The following PSMD5 variants were observed in gnomAD, a reference collection of about 807,000 sequenced individuals.
PSMD5 encodes proteasome 26S subunit, non-ATPase 5, also known as 26S proteasome non-ATPase regulatory subunit 5.
PSMD5 carries 40 observed loss-of-function variants against 52.1 expected under a neutral mutation model. The observed-to-expected ratio is 0.77, with a 90% CI of 0.60 to 1.00. PSMD5 has a LOEUF of 1.00. Among genes scored for constraint, PSMD5 ranks in the 50% least tolerant of loss-of-function variants. The pLI is 0.00. For synonymous variants in PSMD5, 211 were observed against 226.6 expected (o/e 0.93, Z 0.62); for missense variants, 575 against 605.2 (o/e 0.95, Z 0.52).
chr9:120,820,763 G>A lies in PSMD5; in HGVS notation c.1257+76C>T, dbSNP rs1352298890. On this transcript the variant is annotated intron_variant, in intron 9 of 9. Coordinates refer to ENST00000210313, the MANE Select transcript of PSMD5 (RefSeq NM_005047.4). ...CTTGTGCATCCCCAGAGATGGCACA[G>A]GCTCTGGCTCACTGTTAAGTACTCA... 1.1e-5 allele frequency: 15 copies of A among 1,406,690 alleles called. No individual in the cohort carries two copies. In the South Asian group the frequency reaches 2.5e-4, roughly 24 times the overall value. 87.1% of individuals were successfully genotyped at this position (1,406,690 alleles called of 1,614,324 possible). A position where few individuals can be genotyped will look rare whatever the true frequency, so the allele number is the denominator to read the frequency against.
In PSMD5 at chr9:120,820,986, G is replaced by T. The variant is rs1253046312; in HGVS notation, c.1117-7C>A. 1 of 1,570,748 alleles carries T rather than the reference G, an allele frequency of 6.4e-7. No individual in the cohort carries two copies. The highest frequency in any genetic ancestry group is 8.6e-7 in the Non-Finnish European group (1 of 1,167,462). On this transcript the variant is annotated splice_polypyrimidine_tract_variant and splice_region_variant and intron_variant, in intron 8 of 9. Coordinates refer to ENST00000210313, the MANE Select transcript of PSMD5 (RefSeq NM_005047.4). ...CATCAGTCTGCTGCTCAGGCTACAG[G>T]AAAGAAAAGGAAAATCTCATCAAAA...
At position 120,817,981 on chromosome 9, in the gene PSMD5, C is replaced by T; in HGVS notation, c.1440G>A (p.Arg480=). Residue 480 remains arginine, a synonymous_variant, in exon 10 of 10, where the codon AGG becomes AGA. Coordinates refer to ENST00000210313, the MANE Select transcript of PSMD5 (RefSeq NM_005047.4). ...AEIFGNPNYL[R]LRTYLSEGPY... ...GCCCTTCACTCAGGTAAGTTCTGAG[C>T]CTCAAATAATTTGGGTTCCCAAAGA... 6.2e-7 allele frequency: 1 copy of T among 1,614,164 alleles called. No homozygotes were observed.
Position 120,842,851 on chromosome 9 carries a change from T to A in PSMD5, c.59A>T (p.Glu20Val). Reference sequence around the variant, plus strand: ...CACGGAGTGAAGCGCGCGTAGCTCCTCCAGCGGCGCTTCCAGCCTCGCTAC... The same window carrying A: ...CACGGAGTGAAGCGCGCGTAGCTCCACCAGCGGCGCTTCCAGCCTCGCTAC... ...REVARLEAPL[E>V]ELRALHSVLQ... The change falls in exon 1 of 10, where the codon GAG (glutamate) becomes GTG (valine). Residue 20 changes from glutamate (E) to valine (V), a missense_variant. Coordinates refer to ENST00000210313, the MANE Select transcript of PSMD5 (RefSeq NM_005047.4). 6.2e-7 allele frequency: 1 copy of A among 1,607,050 alleles called. No homozygotes were observed. The highest frequency in any genetic ancestry group is 8.5e-7 in the Non-Finnish European group (1 of 1,178,762).
intron 2 of PSMD5, among the ~76,000 whole-genome samples, chr9:120,832,425 C>T (rs2045168204): frequency 1.6e-5 from 2 of 123,312 alleles, no homozygotes; most frequent in African/African-American, 3.2e-5. Flanking sequence ...GAGATGGAGT[C>T]TCACTCTTTC....
chr9:120,838,041 C>T (rs1482842939), intron 1 of PSMD5, among the ~76,000 whole-genome samples: 1 of 152,192 alleles, frequency 6.6e-6, no homozygotes, highest in Non-Finnish European at 1.5e-5. Flanking sequence ...TGTATGATCC[C>T]TTCCCCCCAT....
intron 1 of PSMD5, among the ~76,000 whole-genome samples, chr9:120,834,664 G>C (rs34355596): frequency 1.3e-5 from 2 of 152,164 alleles, no homozygotes; most frequent in Non-Finnish European, 2.9e-5. Context: ...ACAGAAGCCA[G>C]ATTCTAACAG....
At position 120,839,881 on chromosome 9, in the gene PSMD5, C is replaced by T. The variant is rs1203767017; in HGVS notation, c.173+2856G>A. ...CTGTAATCCCAGCACTTTGGGAGGC[C>T]GAGGCAGGCAAGGCAGATCACTTGA... On this transcript the variant is annotated intron_variant, in intron 1 of 9. Transcript: ENST00000210313. 2.1e-5 allele frequency among the ~76,000 whole-genome samples: 3 copies of T among 144,280 alleles called. 1 individual carries two copies. The highest frequency in any genetic ancestry group is 3.4e-3 in the Middle Eastern group (1 of 290). 94.7% of individuals were successfully genotyped at this position (144,280 alleles called of 152,430 possible).
Position 120,842,774 on chromosome 9 carries a change from G to A in PSMD5, c.136C>T (p.Leu46Phe). ...TTAAGCAGGGAGAAGAGCGGGCCGA[G>A]GCGCAGCTCCGCCGCTTGCTGGCGA... is the stretch of plus-strand genomic sequence containing the variant. The part of the protein sequence containing the change: ...ELRQQAAELR[L>F]GPLFSLLNEN... The change falls in exon 1 of 10, where the codon CTC becomes TTC. Residue 46 changes from leucine (L) to phenylalanine (F), a missense_variant. Leu to Phe is a conservative substitution (Grantham distance 22, BLOSUM62 0). Coordinates refer to ENST00000210313, the MANE Select transcript of PSMD5 (RefSeq NM_005047.4). 1 of 1,613,196 alleles carries A rather than the reference G, an allele frequency of 6.2e-7. No individual in the cohort carries two copies. Among genetic ancestry groups the A allele is most frequent in the Non-Finnish European group, 8.5e-7 (1 of 1,180,012 alleles).
rs1252016870 is a variant in PSMD5, at chr9:120,826,745, T to G, written c.814+20A>C. On this transcript the variant is annotated intron_variant, in intron 6 of 9. Coordinates refer to ENST00000210313, the MANE Select transcript of PSMD5 (RefSeq NM_005047.4). ...AATAAAACACGCACCATCATTTCCA[T>G]AGGCATCAGTGTTCCTTACCTGGCA... The G allele has an allele frequency of 6.2e-7, 1 of 1,610,294 alleles. No individual in the cohort carries two copies.
At chr9:120,824,748 A>G in intron 6 of PSMD5, 63 bp from the exon 7 acceptor site, 5 of 1,370,130 alleles carry the variant, frequency 3.6e-6, no homozygotes, top group South Asian at 1.4e-5. Context: ...TGCGGGCTCT[A>G]TGACTTCACA....
At chr9:120,821,124 A>G in intron 8 of PSMD5, 145 bp from the exon 9 acceptor site, 1 of 1,032,732 alleles carries the variant, frequency 9.7e-7, no homozygotes, top group Non-Finnish European at 1.4e-6. Flanking sequence ...ACTCTTTCTC[A>G]AATCCAGCCC....
At chr9:120,830,809 A>C (rs1216972798) in intron 4 of PSMD5, among the ~76,000 whole-genome samples, 1 of 152,040 alleles carries the variant, frequency 6.6e-6, no homozygotes, top group Non-Finnish European at 1.5e-5. Context: ...AATAAGGGCC[A>C]TTTCTTATTA....
At chr9:120,834,661 C>A (rs1227425884) in intron 1 of PSMD5, among the ~76,000 whole-genome samples, 1 of 152,150 alleles carries the variant, frequency 6.6e-6, no homozygotes, top group Non-Finnish European at 1.5e-5. Flanking sequence ...TGCACAGAAG[C>A]CAGATTCTAA....
At chr9:120,821,561 T>TA (rs1295279872) in intron 7 of PSMD5, 97 bp from the exon 8 acceptor site, 1 of 762,620 alleles carries the variant, frequency 1.3e-6, no homozygotes, top group Admixed American at 2.7e-5. Flanking sequence ...AGTTCAGTGC[T>TA]ATTAAGTACA....
intron 1 of PSMD5, among the ~76,000 whole-genome samples, chr9:120,836,392 C>T (rs1371415065): frequency 1.4e-5 from 2 of 147,332 alleles, no homozygotes; most frequent in Non-Finnish European, 1.5e-5. Context: ...TATTTATCAT[C>T]TGTACTTTTT....
chr9:120,833,350 GA>G lies in PSMD5; in HGVS notation c.279del (p.His94ThrfsTer6). On this transcript the variant is annotated frameshift_variant, in exon 2 of 10. Coordinates refer to ENST00000210313, the MANE Select transcript of PSMD5 (RefSeq NM_005047.4). LOFTEE classifies it high-confidence loss of function. ...AGGATTTTTACAGAATCATCAGGGT[GA>G]ATTAGTCCCCTCTGCAGGTCAACCC... ...NLRVDLQRGL[I>X]HPDDSVKILT... 2 of 1,613,962 alleles carry G rather than the reference GA, an allele frequency of 1.2e-6. No homozygotes were observed. Among genetic ancestry groups the G allele is most frequent in the Non-Finnish European group, 1.7e-6 (2 of 1,179,954 alleles).
intron 8 of PSMD5, 25 bp downstream of exon 8, chr9:120,821,330 C>G: frequency 2.1e-6 from 3 of 1,410,590 alleles, no homozygotes; most frequent in African/African-American, 1.4e-5. Flanking sequence ...TCCCACTGTC[C>G]TTCATTATTT....
Position 120,835,787 on chromosome 9 carries a change from C to T in PSMD5, c.174-2331G>A, listed in dbSNP as rs548360531. On this transcript the variant is annotated intron_variant, in intron 1 of 9. Coordinates refer to ENST00000210313, the MANE Select transcript of PSMD5 (RefSeq NM_005047.4). ...TCCTGGTTGCCAGAGGCTGGAGGAA[C>T]GGGGAAGAGGAGGAATGAGGATACT... Among the ~76,000 whole-genome samples the T allele has an allele frequency of 1.8e-3, 267 of 151,506 alleles. 3 individuals carry two copies. The highest frequency in any genetic ancestry group is 6.2e-3 in the African/African-American group (254 of 41,266).
chr9:120,836,451 C>T (rs916088020), intron 1 of PSMD5, among the ~76,000 whole-genome samples: 11 of 148,428 alleles, frequency 7.4e-5, no homozygotes, highest in African/African-American at 2.5e-4. Flanking sequence ...GGCTGGAGTG[C>T]GATGGCGTGA....
Sources: allele counts gnomAD v4.1 joint callset (sites outside exome capture counted in the v4.1 genomes callset), GRCh38; gene constraint gnomAD v4.1.1; transcripts MANE v1.5; gene names NCBI Gene and HGNC (gene_info 2026-07-23, HGNC 2026-07-21).